The following ALX4 variants were observed in gnomAD, a reference collection of about 807,000 sequenced individuals.
ALX4 encodes ALX homeobox 4.
ALX4 carries 22 observed loss-of-function variants against 40.6 expected under a neutral mutation model. The observed-to-expected ratio is 0.54, with a 90% CI of 0.39 to 0.77. The LOEUF is 0.77. Among genes scored for constraint, ALX4 ranks in the 30% least tolerant of loss-of-function variants. The pLI is 0.00. For synonymous variants in ALX4, 266 were observed against 240.5 expected, an observed-to-expected ratio of 1.11 and a Z score of -0.98; for missense variants, 556 against 564.8, an observed-to-expected ratio of 0.98 and a Z score of 0.16.
At chr11:44,269,245 A>G (rs1956231112) in intron 2 of ALX4, among the ~76,000 whole-genome samples, 1 of 152,242 alleles carries the variant, frequency 6.6e-6, no homozygotes, top group South Asian at 2.1e-4. Context: ...CAAGGGCCTC[A>G]GTTTCTGCAT....
intron 2 of ALX4, among the ~76,000 whole-genome samples, chr11:44,273,631 G>A (rs564789761): frequency 2.6e-5 from 4 of 152,250 alleles, no homozygotes; most frequent in African/African-American, 9.6e-5. Context: ...GTAAAATAAC[G>A]TAAGCCAGTC....
Position 44,305,961 on chromosome 11 carries a change from G to C in ALX4, c.466+3636C>G, listed in dbSNP as rs1956464893. On this transcript the variant is annotated intron_variant, in intron 1 of 3. Transcript: ENST00000652299. ...GCTCCGGCGGTCGGATCCGGAGTTT[G>C]GGGGCGAGGCGCCGGAGTCCCTGCC... Among the ~76,000 whole-genome samples, 4 of 152,336 alleles carry C rather than the reference G, an allele frequency of 2.6e-5. 1 individual carries two copies. The South Asian group carries it at 8.3e-4, about 32-fold the overall frequency.
At chr11:44,282,612 T>G (rs1051839402) in intron 1 of ALX4, among the ~76,000 whole-genome samples, 2 of 152,192 alleles carry the variant, frequency 1.3e-5, no homozygotes, top group African/African-American at 4.8e-5. Flanking sequence ...ACGCAAGCTG[T>G]GGTCTATCCA....
At chr11:44,284,129 G>T (rs1383899135) in intron 1 of ALX4, among the ~76,000 whole-genome samples, 1 of 152,048 alleles carries the variant, frequency 6.6e-6, no homozygotes, top group Non-Finnish European at 1.5e-5. Context: ...AAGAGGAAGG[G>T]AGTGGAGCAT....
chr11:44,306,745 G>T (rs1247018884), intron 1 of ALX4, among the ~76,000 whole-genome samples: 1 of 152,172 alleles, frequency 6.6e-6, no homozygotes, highest in Admixed American at 6.5e-5. Context: ...CGTTGTCAAT[G>T]CATGCCTCAG....
At chr11:44,287,837 T>C (rs1380876816) in intron 1 of ALX4, among the ~76,000 whole-genome samples, 1 of 152,130 alleles carries the variant, frequency 6.6e-6, no homozygotes, top group Non-Finnish European at 1.5e-5. Context: ...CTGCCCCTGA[T>C]CAAACTGCTC....
chr11:44,308,673 G>A (rs1326651651), intron 1 of ALX4, among the ~76,000 whole-genome samples: 1 of 152,236 alleles, frequency 6.6e-6, no homozygotes, highest in African/African-American at 2.4e-5. Context: ...GGGGGCCCAG[G>A]CCTGCCTCCT....
At chr11:44,299,301 T>C (rs1956421299) in intron 1 of ALX4, among the ~76,000 whole-genome samples, 1 of 152,050 alleles carries the variant, frequency 6.6e-6, no homozygotes, top group African/African-American at 2.4e-5. Flanking sequence ...CTGACACTAC[T>C]TGTCTTCTGC....
intron 1 of ALX4, among the ~76,000 whole-genome samples, chr11:44,286,540 T>C (rs1397794850): frequency 6.6e-6 from 1 of 152,270 alleles, no homozygotes; most frequent in Middle Eastern, 3.4e-3. Context: ...GTGATGATCC[T>C]GGGGCCCCAG....
At chr11:44,307,190 G>A (rs929316834) in intron 1 of ALX4, among the ~76,000 whole-genome samples, 4 of 152,168 alleles carry the variant, frequency 2.6e-5, no homozygotes, top group African/African-American at 9.7e-5. Context: ...AGGGGTAGCG[G>A]GGGCTCTTGC....
At chr11:44,309,520 A>T in intron 1 of ALX4, 77 bp downstream of exon 1, 1 of 1,524,138 alleles carries the variant, frequency 6.6e-7, no homozygotes, top group Non-Finnish European at 8.8e-7. Context: ...TACCTCCCGC[A>T]AGCCACCAGT....
At chr11:44,269,606 G>A (rs74714688) in intron 2 of ALX4, among the ~76,000 whole-genome samples, 13,938 of 152,234 alleles carry the variant, frequency 0.092, 694 homozygotes, top group Non-Finnish European at 0.1. Flanking sequence ...CCTTAGAAAC[G>A]GACCCTCTCC....
At chr11:44,306,452 G>A (rs1956469117) in intron 1 of ALX4, among the ~76,000 whole-genome samples, 1 of 152,232 alleles carries the variant, frequency 6.6e-6, no homozygotes, top group African/African-American at 2.4e-5. Context: ...CCGGGAGTGG[G>A]CCCAGAAGTT....
chr11:44,297,475 T>C (rs1956409695), intron 1 of ALX4, among the ~76,000 whole-genome samples: 1 of 151,964 alleles, frequency 6.6e-6, no homozygotes, highest in African/African-American at 2.4e-5. Context: ...CCCAGCAATT[T>C]GGGAGGCTGA....
In ALX4 at chr11:44,267,521, G is replaced by A. The variant is rs12419361; in HGVS notation, c.879C>T (p.Leu293=). ...GGGCGTAGTTCTCAGCTCGGGTGAG[G>A]AGGGGCAGCTCATATGCAGTGGAGA... is the stretch of plus-strand genomic sequence containing the variant. The part of the protein sequence containing the change: ...THFSTAYELP[L]LTRAENYAQI... The change falls in exon 3 of 4, where the codon CTC becomes CTT. Residue 293 remains leucine, a synonymous_variant. Coordinates refer to ENST00000652299, the MANE Select transcript of ALX4 (RefSeq NM_021926.4). 0.11 allele frequency: 170,628 copies of A among 1,613,974 alleles called. 9,570 individuals carry two copies. The highest frequency in any genetic ancestry group is 0.15 in the East Asian group (6,740 of 44,854).
In ALX4 at chr11:44,264,976, T is replaced by TGGCTGCTCCAAACA; in HGVS notation, c.1100_1113dup (p.Ser372CysfsTer32). ...TAGCCATTGAGGCCTGGGCTGAGGC[T>TGGCTGCTCCAAACA]GGCTGCTCCAAACAGGCTGCCCATG... On this transcript the variant is annotated frameshift_variant, in exon 4 of 4. Transcript: ENST00000652299. LOFTEE classifies it high-confidence loss of function. 1 of 1,613,226 alleles carries TGGCTGCTCCAAACA rather than the reference T, an allele frequency of 6.2e-7. No individual in the cohort carries two copies. The highest frequency in any genetic ancestry group is 2.2e-5 in the East Asian group (1 of 44,880).
At chr11:44,298,624 GGGGCTGT>G (rs1262000623) in intron 1 of ALX4, among the ~76,000 whole-genome samples, 1 of 152,110 alleles carries the variant, frequency 6.6e-6, no homozygotes, top group Non-Finnish European at 1.5e-5. Flanking sequence ...GCCGACCCCG[GGGGCTGT>G]GGCAGTCAGA....
rs1956496065 is a variant in ALX4 at position 44,309,775 on chromosome 11, G to A, written c.288C>T (p.Thr96=). 1.3e-6 allele frequency: 2 copies of A among 1,546,334 alleles called. No homozygotes were observed. The highest frequency in any genetic ancestry group is 1.2e-5 in the South Asian group (1 of 84,116). The change falls in exon 1 of 4, where the codon ACC becomes ACT. Residue 96 remains threonine, a synonymous_variant. Transcript: ENST00000652299. ...SFNKFQPQPS[T]PQPQPPPQPQ... ...GCTGCGGCGGCGGCTGGGGCTGCGG[G>A]GTCGACGGCTGGGGCTGGAACTTGT...
At chr11:44,303,566 C>A (rs1256293746) in intron 1 of ALX4, among the ~76,000 whole-genome samples, 1 of 152,228 alleles carries the variant, frequency 6.6e-6, no homozygotes, top group African/African-American at 2.4e-5. Flanking sequence ...CACACCCCAG[C>A]CTTGGCTCCT....
Sources: gnomAD v4.1 joint callset for allele counts (sites outside exome capture counted in the v4.1 genomes callset) on GRCh38, gnomAD v4.1.1 for gene constraint, MANE v1.5 for transcripts, NCBI Gene and HGNC (gene_info 2026-07-23, HGNC 2026-07-21) for gene names.